The following NCALD variants were observed in gnomAD, a reference collection of about 807,000 sequenced individuals.
The protein encoded by NCALD is neurocalcin delta.
A neutral mutation model predicts 18.6 loss-of-function variants in NCALD; 10 were observed. The observed-to-expected ratio is 0.54, with a 90% CI of 0.33 to 0.91. The LOEUF (loss-of-function observed/expected upper bound fraction) is 0.91, where lower values mean the gene tolerates loss of function less well. NCALD is among the 40% of genes least tolerant of loss of function. The probability of loss-of-function intolerance (pLI) is 0.03; values close to 1 mark genes in which losing one functional copy is unlikely to be tolerated. For synonymous variants in NCALD, 88 were observed against 87.4 expected (o/e 1.01, Z -0.04); for missense variants, 184 against 247.6 (o/e 0.74, Z 1.72).
intron 1 of NCALD, among the ~76,000 whole-genome samples, chr8:102,104,038 C>T (rs1304272263): frequency 3.3e-5 from 5 of 152,176 alleles, no homozygotes; most frequent in Non-Finnish European, 7.3e-5. Flanking sequence ...CGCATACAAA[C>T]ACATACACAC....
intron 2 of NCALD, among the ~76,000 whole-genome samples, chr8:101,943,755 A>G (rs1819050719): frequency 1.3e-5 from 2 of 152,244 alleles, no homozygotes; most frequent in East Asian, 1.9e-4. Flanking sequence ...CCTGGCTAAC[A>G]TGATGAAACC....
At chr8:101,843,356 T>C (rs564612971) in intron 4 of NCALD, among the ~76,000 whole-genome samples, 26 of 152,314 alleles carry the variant, frequency 1.7e-4, no homozygotes, top group Non-Finnish European at 1.0e-4. Context: ...GAATCAGAAC[T>C]AGACGGAGTC....
At chr8:101,811,547 G>A (rs774084271) in intron 4 of NCALD, among the ~76,000 whole-genome samples, 23 of 152,182 alleles carry the variant, frequency 1.5e-4, no homozygotes, top group Admixed American at 2.6e-4. Flanking sequence ...ACAGCAATAG[G>A]AAATTAATAC....
chr8:101,955,147 A>C (rs1463216058), intron 2 of NCALD, among the ~76,000 whole-genome samples: 4 of 152,192 alleles, frequency 2.6e-5, no homozygotes, highest in Admixed American at 2.0e-4. Flanking sequence ...AGTGAAGAAG[A>C]AGCTTAAAGA....
At chr8:101,956,783 C>A (rs1374356395) in intron 2 of NCALD, among the ~76,000 whole-genome samples, 3 of 152,100 alleles carry the variant, frequency 2.0e-5, no homozygotes, top group Non-Finnish European at 4.4e-5. Context: ...AAAAGAACAC[C>A]CTTCATAAGG....
chr8:101,887,057 C>A (rs1816702735), intron 4 of NCALD: 1 of 152,166 alleles, frequency 6.6e-6, no homozygotes, highest in South Asian at 2.1e-4. Context: ...TAAACACACA[C>A]AAACCTACCT....
At chr8:101,938,335 C>T (rs1818836756) in intron 2 of NCALD, among the ~76,000 whole-genome samples, 1 of 152,174 alleles carries the variant, frequency 6.6e-6, no homozygotes. Context: ...TATGAATACA[C>T]TCTTATGCCC....
chr8:101,712,599 A>AAAAAAAAAAAAAAAAAC, intron 2 of NCALD, among the ~76,000 whole-genome samples: 1 of 91,218 alleles, frequency 1.1e-5, no homozygotes, highest in Non-Finnish European at 2.4e-5. Context: ...AAAAAAAAAA[A>AAAAAAAAAAAAAAAAAC]AAAAAAAAAA....
intron 1 of NCALD, among the ~76,000 whole-genome samples, chr8:101,770,096 A>G (rs2130889181): frequency 6.6e-6 from 1 of 152,376 alleles, no homozygotes; most frequent in East Asian, 1.9e-4. Flanking sequence ...TGAATAAGCC[A>G]GGAAACATCA....
intron 2 of NCALD, among the ~76,000 whole-genome samples, chr8:101,932,635 G>A (rs517811): frequency 0.6 from 91,877 of 151,876 alleles, 27,899 homozygotes; most frequent in South Asian, 0.65. Context: ...AAAAAAGAAA[G>A]AAGCAAGGTC....
In NCALD at chr8:101,687,941, G is replaced by A. The variant is rs1409322915; in HGVS notation, c.*1368C>T. On this transcript the variant is annotated 3_prime_UTR_variant, in exon 4 of 4. Transcript: ENST00000220931. ...AATACTTTTGGATTCTCCATAGGGGGGCCTTGGAAACCACAGACACACTTG... is the reference window on the plus strand; with the variant it reads ...AATACTTTTGGATTCTCCATAGGGGAGCCTTGGAAACCACAGACACACTTG... 1 of 152,144 alleles carries A rather than the reference G, an allele frequency of 6.6e-6. No homozygotes were observed. The highest frequency in any genetic ancestry group is 2.4e-5 in the African/African-American group (1 of 41,404). The allele number at this position is 152,144 out of a possible 1,614,324, so 9.4% of individuals were successfully genotyped here. A position where few individuals can be genotyped will look rare whatever the true frequency, so the allele number is the denominator to read the frequency against.
At chr8:102,079,714 G>T (rs1028478807) in intron 1 of NCALD, among the ~76,000 whole-genome samples, 1 of 152,152 alleles carries the variant, frequency 6.6e-6, no homozygotes, top group African/African-American at 2.4e-5. Flanking sequence ...CTTTTCTCAC[G>T]CACCTCCCAC....
intron 2 of NCALD, among the ~76,000 whole-genome samples, chr8:101,929,435 A>G (rs1190753249): frequency 3.5e-5 from 1 of 28,808 alleles, no homozygotes; most frequent in Non-Finnish European, 6.5e-5. Context: ...GGAAGGAAGG[A>G]AGGAAAGGAG....
At chr8:101,908,164 T>C (rs1355035692) in intron 3 of NCALD, among the ~76,000 whole-genome samples, 2 of 152,152 alleles carry the variant, frequency 1.3e-5, no homozygotes, top group Non-Finnish European at 2.9e-5. Flanking sequence ...TAGGAATAAA[T>C]TCAGCCCCGA....
intron 4 of NCALD, among the ~76,000 whole-genome samples, chr8:101,886,309 G>C (rs895931189): frequency 5.9e-5 from 9 of 152,154 alleles, no homozygotes. Context: ...AGTTTCATTT[G>C]ATATCAATGT....
intron 1 of NCALD, among the ~76,000 whole-genome samples, chr8:102,095,808 G>A (rs1160979253): frequency 6.6e-6 from 1 of 152,158 alleles, no homozygotes; most frequent in Non-Finnish European, 1.5e-5. Context: ...AAATGTATGT[G>A]TATAAACATT....
Position 102,008,834 on chromosome 8 carries a change from C to T in NCALD, c.-157+11403G>A, listed in dbSNP as rs370271041. Among the ~76,000 whole-genome samples, 6 of 151,528 alleles carry T rather than the reference C, an allele frequency of 4.0e-5. No homozygotes were observed. The East Asian group carries it at 7.8e-4, about 20-fold the overall frequency. ...GTAAGGGCCCCTAGGCCACATAAAA[C>T]TTGTATTAAATAGATTTGGGTTTCT... On this transcript the variant is annotated intron_variant, in intron 2 of 6. Transcript: ENST00000311028.
intron 3 of NCALD, among the ~76,000 whole-genome samples, chr8:101,904,334 C>T (rs1472721028): frequency 6.6e-6 from 1 of 152,152 alleles, no homozygotes; most frequent in Non-Finnish European, 1.5e-5. Context: ...ATCATGCACT[C>T]TCATAGCACA....
At chr8:101,947,512 G>A (rs1405513565) in intron 2 of NCALD, among the ~76,000 whole-genome samples, 1 of 152,024 alleles carries the variant, frequency 6.6e-6, no homozygotes, top group African/African-American at 2.4e-5. Flanking sequence ...AATTATTAAA[G>A]AGAACCCATT....
Sources: gnomAD v4.1 joint callset for allele counts (sites outside exome capture counted in the v4.1 genomes callset) on GRCh38, gnomAD v4.1.1 for gene constraint, MANE v1.5 for transcripts, NCBI Gene and HGNC (gene_info 2026-07-23, HGNC 2026-07-21) for gene names.